Variants in RHOBTB1 observed in about 807,000 individuals in gnomAD.
RHOBTB1 encodes Rho related BTB domain containing 1.
A neutral mutation model predicts 71.6 loss-of-function variants in RHOBTB1; 40 were observed. The observed-to-expected ratio is 0.56, with a 90% CI of 0.43 to 0.73. The LOEUF (loss-of-function observed/expected upper bound fraction) is 0.73, where lower values mean the gene tolerates loss of function less well. RHOBTB1 is among the 30% of genes least tolerant of loss of function. The pLI, the probability that RHOBTB1 is intolerant of heterozygous loss-of-function variation, is 0.00. For missense variants in RHOBTB1, 797 were observed against 894.0 expected (o/e 0.89, Z 1.38); for synonymous variants, 319 against 334.9 (o/e 0.95, Z 0.52).
intron 4 of RHOBTB1, among the ~76,000 whole-genome samples, chr10:60,893,272 T>C (rs1190633564): frequency 6.6e-6 from 1 of 152,156 alleles, no homozygotes; most frequent in Non-Finnish European, 1.5e-5. Context: ...GTAGAGATGA[T>C]TACCCAAACT....
In RHOBTB1 at chr10:60,877,408, G is replaced by A. The variant is rs41274046; in HGVS notation, c.1726+500C>T. ...TGAATAATATTAGCCCCATTTTAAA[G>A]AGCGAGAAAGCTGAGACACAGAGCT... On this transcript the variant is annotated intron_variant, in intron 8 of 10. Coordinates refer to ENST00000337910, the MANE Select transcript of RHOBTB1 (RefSeq NM_014836.5). 9.0e-3 allele frequency among the ~76,000 whole-genome samples: 1,373 copies of A among 152,306 alleles called. 12 individuals are homozygous for A. Among genetic ancestry groups the A allele is most frequent in the Non-Finnish European group, 0.015 (1,028 of 68,026 alleles).
At chr10:60,943,166 C>A (rs1309399733) in intron 1 of RHOBTB1, among the ~76,000 whole-genome samples, 1 of 152,230 alleles carries the variant, frequency 6.6e-6, no homozygotes, top group African/African-American at 2.4e-5. Context: ...AAAGCGAAGT[C>A]AAAACCCTGT....
chr10:60,999,498 T>C (rs2087181846), intron 1 of RHOBTB1, among the ~76,000 whole-genome samples: 1 of 152,246 alleles, frequency 6.6e-6, no homozygotes, highest in Admixed American at 6.5e-5. Flanking sequence ...AGAAAAATGT[T>C]AATATGCCAC....
intron 4 of RHOBTB1, among the ~76,000 whole-genome samples, chr10:60,906,388 G>A (rs981139923): frequency 1.3e-5 from 2 of 152,208 alleles, no homozygotes; most frequent in Admixed American, 1.3e-4. Flanking sequence ...AATAGATGGT[G>A]AGTGCTGGTC....
intron 2 of RHOBTB1, among the ~76,000 whole-genome samples, chr10:60,983,592 G>T (rs998042313): frequency 6.6e-6 from 1 of 151,748 alleles, no homozygotes; most frequent in Non-Finnish European, 1.5e-5. Flanking sequence ...TGGAATTTTT[G>T]AATCTAAATG....
rs371966567 is a variant in RHOBTB1 at position 60,886,953 on chromosome 10, G to A, written c.1457-723C>T. Among the ~76,000 whole-genome samples, 304 of 151,086 alleles carry A rather than the reference G, an allele frequency of 2.0e-3. 4 individuals carry two copies. The highest frequency in any genetic ancestry group is 6.8e-3 in the African/African-American group (280 of 41,116). On this transcript the variant is annotated intron_variant, in intron 6 of 10. Transcript: ENST00000337910. ...CACAAGTTTTCCCAAAATAACAACA[G>A]TCTCCTAAATAACCATACTATGATT...
Position 60,895,700 on chromosome 10 carries a change from G to A in RHOBTB1, c.297-2705C>T, listed in dbSNP as rs914462598. On this transcript the variant is annotated intron_variant, in intron 4 of 10. Coordinates refer to ENST00000337910, the MANE Select transcript of RHOBTB1 (RefSeq NM_014836.5). ...ATTACAGGCGCAAGCCACCGCGCCC[G>A]GCCCAAGATCATATTTTAAGTATCA... Among the ~76,000 whole-genome samples the A allele has an allele frequency of 8.5e-5, 13 of 152,346 alleles. 1 individual carries two copies. The South Asian group carries it at 2.7e-3, about 32-fold the overall frequency.
chr10:60,965,648 C>CTGAA (rs564960539), intron 2 of RHOBTB1, among the ~76,000 whole-genome samples: 154 of 152,206 alleles, frequency 1.0e-3, no homozygotes, highest in South Asian at 2.7e-3. Context: ...AAATTAATAA[C>CTGAA]TGAATGAATG....
chr10:60,993,179 C>A (rs1235533759), intron 1 of RHOBTB1, among the ~76,000 whole-genome samples: 1 of 152,082 alleles, frequency 6.6e-6, no homozygotes, highest in East Asian at 1.9e-4. Context: ...GTCTTCATTG[C>A]ACCAGCTCCA....
At chr10:60,935,760 C>A (rs377195519) in intron 2 of RHOBTB1, among the ~76,000 whole-genome samples, 1 of 152,076 alleles carries the variant, frequency 6.6e-6, no homozygotes. Flanking sequence ...ACTCAAAATG[C>A]ATCATTTTCT....
chr10:60,889,314 A>C, intron 5 of RHOBTB1, 129 bp from the exon 6 acceptor site: 2 of 838,904 alleles, frequency 2.4e-6, no homozygotes, highest in Non-Finnish European at 3.5e-6. Context: ...CTCTGGAAAA[A>C]TCTGCCACCA....
intron 2 of RHOBTB1, among the ~76,000 whole-genome samples, chr10:60,984,179 T>C (rs1403160919): frequency 6.6e-6 from 1 of 152,204 alleles, no homozygotes; most frequent in African/African-American, 2.4e-5. Context: ...CTTGTAATTC[T>C]AAAGGCATAT....
At chr10:60,955,814 T>G (rs1335071713) in intron 2 of RHOBTB1, among the ~76,000 whole-genome samples, 1 of 152,148 alleles carries the variant, frequency 6.6e-6, no homozygotes, top group African/African-American at 2.4e-5. Context: ...AACCAACATA[T>G]CACTATCTTG....
chr10:60,937,953 G>A (rs1240691169), intron 2 of RHOBTB1, among the ~76,000 whole-genome samples: 1 of 152,156 alleles, frequency 6.6e-6, no homozygotes, highest in Non-Finnish European at 1.5e-5. Context: ...TGAGGGGGGA[G>A]GGGATGCTGT....
At chr10:60,939,591 GTGT>G in intron 2 of RHOBTB1, among the ~76,000 whole-genome samples, 1 of 151,868 alleles carries the variant, frequency 6.6e-6, no homozygotes, top group Admixed American at 6.6e-5. Flanking sequence ...TTTTGTTTTG[GTGT>G]TGTGATGTTG....
At chr10:60,928,093 G>C (rs2083998872) in intron 2 of RHOBTB1, among the ~76,000 whole-genome samples, 1 of 152,168 alleles carries the variant, frequency 6.6e-6, no homozygotes. Context: ...TTCGTCATCA[G>C]AGAAATGCAA....
intron 2 of RHOBTB1, among the ~76,000 whole-genome samples, chr10:60,933,451 G>C (rs540100659): frequency 6.6e-6 from 1 of 152,332 alleles, no homozygotes; most frequent in Non-Finnish European, 1.5e-5. Flanking sequence ...GCTGGGTGCG[G>C]TGGCTCACGC....
chr10:60,924,975 T>C (rs1233925485), intron 2 of RHOBTB1, among the ~76,000 whole-genome samples: 1 of 152,218 alleles, frequency 6.6e-6, no homozygotes, highest in Non-Finnish European at 1.5e-5. Flanking sequence ...AGTGTTTAGA[T>C]GACGGGGATA....
intron 2 of RHOBTB1, among the ~76,000 whole-genome samples, chr10:60,934,276 CT>C (rs2084436642): frequency 6.6e-6 from 1 of 152,198 alleles, no homozygotes; most frequent in South Asian, 2.1e-4. Flanking sequence ...CTGAAACCTT[CT>C]TTTCAGTCCT....
Sources: gnomAD v4.1 joint callset for allele counts (sites outside exome capture counted in the v4.1 genomes callset) on GRCh38, gnomAD v4.1.1 for gene constraint, MANE v1.5 for transcripts, NCBI Gene and HGNC (gene_info 2026-07-23, HGNC 2026-07-21) for gene names.